Variants in SH3GLB1 observed in about 807,000 individuals in gnomAD.
The protein encoded by SH3GLB1 is SH3 domain containing GRB2 like, endophilin B1, also known as endophilin-B1.
A neutral mutation model predicts 42.0 loss-of-function variants in SH3GLB1; 17 were observed. That is an observed-to-expected ratio of 0.40 (90% CI 0.28 to 0.61). The LOEUF is 0.61. Ranked by LOEUF, SH3GLB1 falls within the 20% of genes least tolerant of loss-of-function variation. The pLI, the probability that SH3GLB1 is intolerant of heterozygous loss-of-function variation, is 0.36. For synonymous variants in SH3GLB1, 132 were observed against 146.6 expected (o/e 0.90, Z 0.72); for missense variants, 355 against 426.3 (o/e 0.83, Z 1.47).
chr1:86,731,100 T>C (rs1435750833), intron 5 of SH3GLB1, among the ~76,000 whole-genome samples: 3 of 152,304 alleles, frequency 2.0e-5, no homozygotes, highest in Non-Finnish European at 4.4e-5. Flanking sequence ...CCATTTCTAA[T>C]CTTCTGTGGG....
chr1:86,715,901 A>G (rs1350368968), intron 2 of SH3GLB1, 36 bp downstream of exon 2: 1 of 1,566,622 alleles, frequency 6.4e-7, no homozygotes, highest in Non-Finnish European at 8.6e-7. Context: ...CTTAAGTACT[A>G]TTAGTGGGTT....
At chr1:86,736,443 G>C (rs1287619887) in intron 7 of SH3GLB1, among the ~76,000 whole-genome samples, 1 of 152,126 alleles carries the variant, frequency 6.6e-6, no homozygotes, top group African/African-American at 2.4e-5. Flanking sequence ...TATTTTAATA[G>C]AATATACAGG....
intron 7 of SH3GLB1, among the ~76,000 whole-genome samples, chr1:86,739,455 A>G (rs1655950247): frequency 6.6e-6 from 1 of 152,206 alleles, no homozygotes; most frequent in Non-Finnish European, 1.5e-5. Context: ...TGACCATTGG[A>G]TTTAGGAACA....
chr1:86,731,846 G>A (rs1025072407), intron 5 of SH3GLB1, among the ~76,000 whole-genome samples: 12 of 152,064 alleles, frequency 7.9e-5, no homozygotes, highest in African/African-American at 1.2e-4. Context: ...TTGGAAGGCC[G>A]AGGTGGGCAG....
chr1:86,732,996 C>T (rs1311809315), intron 5 of SH3GLB1, among the ~76,000 whole-genome samples: 1 of 151,988 alleles, frequency 6.6e-6, no homozygotes. Flanking sequence ...TACTCAAAGC[C>T]TTTTGTATTC....
chr1:86,716,669 C>A (rs1370430376), intron 2 of SH3GLB1, among the ~76,000 whole-genome samples: 1 of 152,200 alleles, frequency 6.6e-6, no homozygotes, highest in Non-Finnish European at 1.5e-5. Context: ...ACTCAATAAT[C>A]TTGCAGTTAA....
rs114643814 is a variant in SH3GLB1 at position 86,723,091 on chromosome 1, C to T, written c.477+418C>T. On this transcript the variant is annotated intron_variant, in intron 4 of 8. Coordinates refer to ENST00000370558, the MANE Select transcript of SH3GLB1 (RefSeq NM_016009.5). ...AAGCTGCTCTTATAAATACTTCAAA[C>T]TTTAATTTGCAGATTTCCTATTACA... is the stretch of plus-strand genomic sequence containing the variant. Among the ~76,000 whole-genome samples, 437 of 152,210 alleles carry T rather than the reference C, an allele frequency of 2.9e-3. 1 individual carries two copies. The highest frequency in any genetic ancestry group is 0.01 in the African/African-American group (421 of 41,510).
At chr1:86,738,103 A>G (rs984685361) in intron 7 of SH3GLB1, among the ~76,000 whole-genome samples, 18 of 152,312 alleles carry the variant, frequency 1.2e-4, no homozygotes, top group Admixed American at 3.3e-4. Context: ...TGTTGGGTGG[A>G]AGCTGACTGA....
chr1:86,747,771 T>A lies in SH3GLB1; in HGVS notation c.*4536T>A, dbSNP rs546117540. ...ATCAGAAACCATGTGTACATCCCTG[T>A]GCCTCTTAGATTGCTAAGTTCTGCT... On this transcript the variant is annotated 3_prime_UTR_variant, in exon 9 of 9. Coordinates refer to ENST00000370558, the MANE Select transcript of SH3GLB1 (RefSeq NM_016009.5). 7 of 152,376 alleles carry A rather than the reference T, an allele frequency of 4.6e-5. No individual in the cohort carries two copies. Among genetic ancestry groups the A allele is most frequent in the Admixed American group, 4.6e-4 (7 of 15,308 alleles). 9.4% of individuals were successfully genotyped at this position (152,376 alleles called of 1,614,324 possible). A position where few individuals can be genotyped will look rare whatever the true frequency, so the allele number is the denominator to read the frequency against.
At position 86,735,121 on chromosome 1, in the gene SH3GLB1, A is replaced by G. The variant is rs749520521; in HGVS notation, c.703A>G (p.Met235Val). The change falls in exon 7 of 9, where the codon ATG becomes GTG. Residue 235 changes from methionine to valine, a missense_variant. Transcript: ENST00000370558. ...RCLNDFVEAQ[M>V]TYYAQCYQYM... Reference sequence around the variant, plus strand: ...TCTGAATGACTTTGTAGAAGCCCAGATGACTTACTATGCACAGTGTTACCA... The same window carrying G: ...TCTGAATGACTTTGTAGAAGCCCAGGTGACTTACTATGCACAGTGTTACCA... 61 of 1,612,932 alleles carry G rather than the reference A, an allele frequency of 3.8e-5. No homozygotes were observed. The highest frequency in any genetic ancestry group is 8.3e-5 in the Admixed American group (5 of 59,984).
chr1:86,719,015 A>G (rs1654712930), intron 2 of SH3GLB1, among the ~76,000 whole-genome samples: 1 of 152,190 alleles, frequency 6.6e-6, no homozygotes, highest in Non-Finnish European at 1.5e-5. Flanking sequence ...CTGTGTCTAT[A>G]TTTAGACTCT....
At chr1:86,737,347 C>T (rs1655825535) in intron 7 of SH3GLB1, among the ~76,000 whole-genome samples, 1 of 152,112 alleles carries the variant, frequency 6.6e-6, no homozygotes, top group Admixed American at 6.5e-5. Context: ...CATAGGTACA[C>T]TTCAGTGGCT....
At chr1:86,719,098 T>TTATATCTG (rs1161579075) in intron 2 of SH3GLB1, among the ~76,000 whole-genome samples, 2 of 152,188 alleles carry the variant, frequency 1.3e-5, no homozygotes, top group African/African-American at 4.8e-5. Flanking sequence ...TCCAGGTACT[T>TTATATCTG]TATATCTGTA....
chr1:86,726,577 T>A (rs556292005), intron 5 of SH3GLB1, among the ~76,000 whole-genome samples: 13 of 152,194 alleles, frequency 8.5e-5, no homozygotes, highest in Non-Finnish European at 1.2e-4. Flanking sequence ...TACACAGCTA[T>A]TCTAGAACTT....
intron 5 of SH3GLB1, chr1:86,734,200 ATAAT>A (rs1198652373): frequency 6.5e-6 from 1 of 154,270 alleles, no homozygotes; most frequent in Non-Finnish European, 1.4e-5. Context: ...AACTGTAGTA[ATAAT>A]TGAGAATTTT....
intron 5 of SH3GLB1, 25 bp downstream of exon 5, chr1:86,724,430 GATTA>G (rs1226994404): frequency 1.4e-6 from 2 of 1,479,470 alleles, no homozygotes; most frequent in Non-Finnish European, 1.8e-6. Context: ...AAATATTTTT[GATTA>G]ATAACTTTAA....
chr1:86,742,796 C>CA (rs761970856), intron 8 of SH3GLB1, among the ~76,000 whole-genome samples: 4 of 151,796 alleles, frequency 2.6e-5, no homozygotes, highest in Non-Finnish European at 5.9e-5. Flanking sequence ...CTCATCTCTA[C>CA]AAAAAATATG....
chr1:86,707,056 A>C (rs1653911005), intron 1 of SH3GLB1, among the ~76,000 whole-genome samples: 3 of 152,238 alleles, frequency 2.0e-5, no homozygotes, highest in Admixed American at 2.0e-4. Flanking sequence ...TAAAATCAGC[A>C]AAGTGTCTGC....
chr1:86,742,611 TA>T (rs1047037037), intron 8 of SH3GLB1, among the ~76,000 whole-genome samples, 175 bp downstream of exon 8: 169 of 152,308 alleles, frequency 1.1e-3, no homozygotes, highest in African/African-American at 4.0e-3. Context: ...TAGAAATATT[TA>T]AAACTTTTAA....
Sources: gnomAD v4.1 joint callset for allele counts (sites outside exome capture counted in the v4.1 genomes callset) on GRCh38, gnomAD v4.1.1 for gene constraint, MANE v1.5 for transcripts, NCBI Gene and HGNC (gene_info 2026-07-23, HGNC 2026-07-21) for gene names.